Variants in BSN observed in about 807,000 individuals in gnomAD.
The protein encoded by BSN is bassoon presynaptic cytomatrix protein, also known as protein bassoon.
Under a neutral mutation model 264.8 loss-of-function variants are expected in BSN, and 57 were observed. The observed-to-expected ratio is 0.22, with a 90% CI of 0.17 to 0.27. The LOEUF (loss-of-function observed/expected upper bound fraction) is 0.27. BSN is among the 10% of genes least tolerant of loss of function. The probability of loss-of-function intolerance (pLI) is 1.00; values close to 1 mark genes in which losing one functional copy is unlikely to be tolerated. For synonymous variants in BSN, 2,059 were observed against 2,137.3 expected, an observed-to-expected ratio of 0.96 and a Z score of 1.01; for missense variants, 4,615 against 5,232.5, an observed-to-expected ratio of 0.88 and a Z score of 3.64.
At chr3:49,604,121 A>T (rs1315700386) in intron 1 of BSN, among the ~76,000 whole-genome samples, 1 of 151,748 alleles carries the variant, frequency 6.6e-6, no homozygotes, top group Non-Finnish European at 1.5e-5. Context: ...ATGGGGTCTC[A>T]CTATGTTACC....
rs534342523 is a variant in BSN, at chr3:49,560,069, T to A, written c.224+5243T>A. On this transcript the variant is annotated intron_variant, in intron 1 of 11. Coordinates refer to ENST00000296452, the MANE Select transcript of BSN (RefSeq NM_003458.4). ...CAAAGCTTTCAGAGGAAAGTTGTTT[T>A]TTTTTTCCCCCAGAAAAGTCATGCC... Among the ~76,000 whole-genome samples, 11 of 152,298 alleles carry A rather than the reference T, an allele frequency of 7.2e-5. No individual in the cohort carries two copies. The South Asian group carries it at 2.1e-3, about 29-fold the overall frequency.
intron 1 of BSN, among the ~76,000 whole-genome samples, chr3:49,555,323 T>A (rs2051659207): frequency 6.6e-6 from 1 of 152,216 alleles, no homozygotes; most frequent in African/African-American, 2.4e-5. Context: ...TCTTGGGCTT[T>A]CCTTGGGCAT....
At position 49,654,937 on chromosome 3, in the gene BSN, C is replaced by A; in HGVS notation, c.5381C>A (p.Pro1794His). The A allele has an allele frequency of 6.2e-7, 1 of 1,611,714 alleles. No individual in the cohort carries two copies. Among genetic ancestry groups the A allele is most frequent in the Non-Finnish European group, 8.5e-7 (1 of 1,178,796 alleles). The change falls in exon 5 of 12, where the codon CCC becomes CAC. Residue 1794 changes from proline to histidine, a missense_variant. Coordinates refer to ENST00000296452, the MANE Select transcript of BSN (RefSeq NM_003458.4). The surrounding 1 kb of genome is among the most constrained non-coding windows in gnomAD (Gnocchi z 4.1). ...APYRSGPRGR[P>H]REAKFARYNL... ...TACCGAAGTGGGCCCCGGGGAAGACCCAGGGAGGCCAAGTTTGCCAGATAT... is the reference window on the plus strand; with the variant it reads ...TACCGAAGTGGGCCCCGGGGAAGACACAGGGAGGCCAAGTTTGCCAGATAT...
In BSN at chr3:49,656,566, C is replaced by A; in HGVS notation, c.7010C>A (p.Pro2337Gln). 6.3e-7 allele frequency: 1 copy of A among 1,575,440 alleles called. No individual in the cohort carries two copies. The highest frequency in any genetic ancestry group is 8.6e-7 in the Non-Finnish European group (1 of 1,160,946). The change falls in exon 5 of 12, where the codon CCA becomes CAA. Residue 2337 changes from proline (P) to glutamine (Q), a missense_variant. Pro to Gln is a moderately conservative substitution (Grantham distance 76). Transcript: ENST00000296452. ...GCCCCACTAGCTGGCCAGAAGCCACCAGCAGATGCTGCTCCTGGGGGTGGC... is the reference window on the plus strand; with the variant it reads ...GCCCCACTAGCTGGCCAGAAGCCACAAGCAGATGCTGCTCCTGGGGGTGGC... ...APAPLAGQKP[P>Q]ADAAPGGGSG...
chr3:49,662,689 G>C (rs2052670954), intron 6 of BSN, 127 bp downstream of exon 6: 1 of 1,455,936 alleles, frequency 6.9e-7, no homozygotes, highest in Non-Finnish European at 9.1e-7. Context: ...GGGCCCTGCT[G>C]CAGGCAGGCT....
intron 1 of BSN, among the ~76,000 whole-genome samples, chr3:49,589,467 CTCTT>C (rs1016770437): frequency 6.6e-6 from 1 of 151,248 alleles, no homozygotes; most frequent in African/African-American, 2.4e-5. Context: ...ATGGATTGAC[CTCTT>C]TATCAATCTT....
At chr3:49,613,110 G>A (rs987406752) in intron 1 of BSN, among the ~76,000 whole-genome samples, 2 of 152,096 alleles carry the variant, frequency 1.3e-5, no homozygotes, top group East Asian at 3.9e-4. Flanking sequence ...TCCAGACTGG[G>A]CAACAAGAGT....
At chr3:49,623,443 T>TA (rs1206443757) in intron 1 of BSN, among the ~76,000 whole-genome samples, 1 of 152,190 alleles carries the variant, frequency 6.6e-6, no homozygotes. Context: ...GAGATGAACT[T>TA]AAGTTGGGTC....
At chr3:49,658,539 G>C (rs1257637468) in intron 5 of BSN, among the ~76,000 whole-genome samples, 1 of 152,118 alleles carries the variant, frequency 6.6e-6, no homozygotes, top group Non-Finnish European at 1.5e-5. Context: ...CTCACTTCTA[G>C]TCTGGACCCC....
At chr3:49,646,524 G>A (rs1193931880) in intron 3 of BSN, among the ~76,000 whole-genome samples, 2 of 152,352 alleles carry the variant, frequency 1.3e-5, no homozygotes, top group Admixed American at 6.5e-5. Context: ...CAGAGGTCCT[G>A]TTGCCTCCCA....
rs1255867387 is a variant in BSN at position 49,652,940 on chromosome 3, C to T, written c.3384C>T (p.Pro1128=). The part of the protein sequence containing the change: ...LHRSSCSEYS[P]SPSLDSEAEA... ...GCTCCTCCTGCTCTGAGTACTCACC[C>T]TCACCCTCCCTTGACTCTGAGGCTG... Residue 1128 remains proline, a synonymous_variant, in exon 5 of 12, where the codon CCC becomes CCT. Transcript: ENST00000296452. 3.1e-6 allele frequency: 5 copies of T among 1,610,680 alleles called. No homozygotes were observed. In the African/African-American group the frequency reaches 4.0e-5, roughly 13 times the overall value.
chr3:49,566,673 C>A (rs780400298), intron 1 of BSN, among the ~76,000 whole-genome samples: 6 of 151,504 alleles, frequency 4.0e-5, no homozygotes, highest in Non-Finnish European at 8.8e-5. Flanking sequence ...GTGGTCCCAG[C>A]TACTCGGGAG....
chr3:49,586,660 G>C (rs1338667619), intron 1 of BSN, among the ~76,000 whole-genome samples: 1 of 152,224 alleles, frequency 6.6e-6, no homozygotes, highest in Non-Finnish European at 1.5e-5. Flanking sequence ...ATTTATTGAA[G>C]ATACTGTCTT....
rs1003816814 is a variant in BSN, at chr3:49,654,443, A to G, written c.4887A>G (p.Leu1629=). ...PSAGADGPLA[L]YGWGALPAEN... ...CTGGTGCAGATGGGCCCCTGGCACT[A>G]TATGGCTGGGGTGCCCTCCCTGCTG... The change falls in exon 5 of 12, where the codon CTA becomes CTG. Residue 1629 remains leucine (L), a synonymous_variant. Transcript: ENST00000296452. This position sits in a 1 kb window ranked among gnomAD's most constrained non-coding sequence, Gnocchi z 4.1. The G allele has an allele frequency of 2.5e-6, 4 of 1,602,804 alleles. No individual in the cohort carries two copies. The highest frequency in any genetic ancestry group is 3.4e-6 in the Non-Finnish European group (4 of 1,175,152).
At chr3:49,621,812 G>A (rs1156634789) in intron 1 of BSN, among the ~76,000 whole-genome samples, 2 of 152,042 alleles carry the variant, frequency 1.3e-5, no homozygotes, top group Non-Finnish European at 2.9e-5. Flanking sequence ...TGATCTCCTG[G>A]GCTCAAGAGA....
In BSN at chr3:49,661,202, A is replaced by G. The variant is rs1217535434; in HGVS notation, c.9357A>G (p.Ala3119=). The G allele has an allele frequency of 6.2e-7, 1 of 1,613,616 alleles. No homozygotes were observed. The highest frequency in any genetic ancestry group is 1.7e-5 in the Admixed American group (1 of 60,022). ...QQAFRPTGHY[A]GQTPMPTTQS... is the part of the protein sequence containing the mutation. ...CTTTCCGCCCCACAGGCCACTATGC[A>G]GGCCAAACACCCATGCCAACCACAC... Residue 3119 remains alanine (A), a synonymous_variant, in exon 6 of 12, where the codon GCA becomes GCG. Transcript: ENST00000296452.
At chr3:49,611,093 G>T (rs977758374) in intron 1 of BSN, among the ~76,000 whole-genome samples, 1 of 152,186 alleles carries the variant, frequency 6.6e-6, no homozygotes, top group Non-Finnish European at 1.5e-5. Flanking sequence ...AGGTTTCTGG[G>T]TCAAAGTCCT....
chr3:49,574,101 C>T (rs372890090), intron 1 of BSN, among the ~76,000 whole-genome samples: 4 of 151,388 alleles, frequency 2.6e-5, no homozygotes, highest in Non-Finnish European at 4.4e-5. Flanking sequence ...AGGTGTGCGT[C>T]GCCACATCTG....
chr3:49,621,059 A>G (rs987664965), intron 1 of BSN, among the ~76,000 whole-genome samples: 1 of 152,182 alleles, frequency 6.6e-6, no homozygotes, highest in African/African-American at 2.4e-5. Context: ...TGCTGGATTG[A>G]CTTAGGATGA....
Sources: allele counts gnomAD v4.1 joint callset (sites outside exome capture counted in the v4.1 genomes callset), GRCh38; gene constraint gnomAD v4.1.1; non-coding constraint Gnocchi (gnomAD v3.1); transcripts MANE v1.5; gene names NCBI Gene and HGNC (gene_info 2026-07-23, HGNC 2026-07-21).